Variants in GATA4 observed in about 807,000 individuals in gnomAD.
GATA4 encodes the protein transcription factor GATA-4.
Under a neutral mutation model 37.9 loss-of-function variants are expected in GATA4, and 7 were observed. The observed-to-expected ratio is 0.18, with a 90% CI of 0.11 to 0.35. The LOEUF is 0.35. Ranked by LOEUF, GATA4 falls within the 10% of genes least tolerant of loss-of-function variation. The probability of loss-of-function intolerance (pLI) is 1.00; values close to 1 mark genes in which losing one functional copy is unlikely to be tolerated. For missense variants in GATA4, 647 were observed against 653.0 expected, an observed-to-expected ratio of 0.99 and a Z score of 0.10; for synonymous variants, 372 against 292.6, an observed-to-expected ratio of 1.27 and a Z score of -2.77.
chr8:11,757,766 C>G (rs951888468), intron 6 of GATA4, among the ~76,000 whole-genome samples: 1 of 152,238 alleles, frequency 6.6e-6, no homozygotes, highest in South Asian at 2.1e-4. Context: ...TGCCTCCTCC[C>G]CTCTGCAGTT....
chr8:11,737,726 A>G (rs1022832461), intron 2 of GATA4, among the ~76,000 whole-genome samples: 7 of 152,202 alleles, frequency 4.6e-5, no homozygotes, highest in African/African-American at 1.7e-4. Flanking sequence ...TTTTCCCATT[A>G]GGGAATTAAG....
At chr8:11,679,447 A>G (rs969754939) in intron 1 of GATA4, among the ~76,000 whole-genome samples, 3 of 152,174 alleles carry the variant, frequency 2.0e-5, no homozygotes, top group Non-Finnish European at 4.4e-5. Context: ...TCTAAGGTCA[A>G]TAAACCAGGC....
chr8:11,722,085 C>T (rs554184397), intron 2 of GATA4, among the ~76,000 whole-genome samples: 5 of 152,250 alleles, frequency 3.3e-5, no homozygotes, highest in African/African-American at 1.2e-4. Context: ...TGGGCTTAAG[C>T]GATCCTCCTG....
At chr8:11,689,622 G>C (rs1349729748), upstream of GATA4, among the ~76,000 whole-genome samples, 6 of 152,326 alleles carry the variant, frequency 3.9e-5, no homozygotes, top group East Asian at 9.6e-4. Context: ...ACTCTAAGTA[G>C]TGCATGGAAT....
rs1406043403 is a variant in GATA4 at position 11,758,903 on chromosome 8, AC to A, written c.*429del. 5 of 307,746 alleles carry A rather than the reference AC, an allele frequency of 1.6e-5. No homozygotes were observed. Among genetic ancestry groups the A allele is most frequent in the Non-Finnish European group, 2.5e-5 (4 of 156,924 alleles). 19.1% of individuals were successfully genotyped at this position (307,746 alleles called of 1,614,324 possible). A position where few individuals can be genotyped will look rare whatever the true frequency, so the allele number is the denominator to read the frequency against. ...TCTGTTTGCCATGTACCTGGATGCG[AC>A]GGGCCCCTGGGGACAGGCCCTTGCC... On this transcript the variant is annotated 3_prime_UTR_variant, in exon 7 of 7. Coordinates refer to ENST00000532059, the MANE Select transcript of GATA4 (RefSeq NM_001308093.3).
chr8:11,748,346 T>C lies in GATA4; in HGVS notation c.617-570T>C, dbSNP rs1175084740. ...GTTCAAGGCTGGACTGAGTTATGAC[T>C]GCACCACTGTACTCCAGCCTGGGTG... On this transcript the variant is annotated intron_variant, in intron 2 of 6. Coordinates refer to ENST00000532059, the MANE Select transcript of GATA4 (RefSeq NM_001308093.3). Among the ~76,000 whole-genome samples, 3 of 152,166 alleles carry C rather than the reference T, an allele frequency of 2.0e-5. No homozygotes were observed. In the East Asian group the frequency reaches 5.8e-4, roughly 29 times the overall value.
intron 2 of GATA4, among the ~76,000 whole-genome samples, chr8:11,720,048 C>T (rs1800599459): frequency 6.6e-6 from 1 of 151,984 alleles, no homozygotes; most frequent in African/African-American, 2.4e-5. Context: ...ATCCCAGCAG[C>T]CGCAGGGAGG....
At chr8:11,741,508 T>G (rs1467479634) in intron 2 of GATA4, among the ~76,000 whole-genome samples, 1 of 151,374 alleles carries the variant, frequency 6.6e-6, no homozygotes, top group African/African-American at 2.4e-5. Context: ...AAAGTCCCTG[T>G]GAGAGCAATG....
chr8:11,684,690 C>T (rs372139438), intron 1 of GATA4, among the ~76,000 whole-genome samples: 17 of 152,250 alleles, frequency 1.1e-4, no homozygotes, highest in South Asian at 6.2e-4. Flanking sequence ...CCTTAGAGGA[C>T]GGAAAGACTG....
In GATA4 at chr8:11,717,113, G is replaced by A. The variant is rs577484961; in HGVS notation, c.616+8185G>A. Among the ~76,000 whole-genome samples the A allele has an allele frequency of 2.6e-5, 4 of 152,270 alleles. No individual in the cohort carries two copies. The South Asian group carries it at 8.3e-4, about 32-fold the overall frequency. On this transcript the variant is annotated intron_variant, in intron 2 of 6. Coordinates refer to ENST00000532059, the MANE Select transcript of GATA4 (RefSeq NM_001308093.3). ...ATTGACCTCTGGTAGACCATGACAT[G>A]GCCCCATATGCCATACAACATAAAC... is the stretch of plus-strand genomic sequence containing the variant.
chr8:11,742,966 G>T (rs1481073495), intron 2 of GATA4, among the ~76,000 whole-genome samples: 1 of 152,252 alleles, frequency 6.6e-6, no homozygotes, highest in African/African-American at 2.4e-5. Flanking sequence ...CTCCTGCCCA[G>T]TCTGGGCTGG....
intron 2 of GATA4, among the ~76,000 whole-genome samples, chr8:11,719,048 A>G (rs1428592886): frequency 6.6e-6 from 1 of 152,254 alleles, no homozygotes; most frequent in Middle Eastern, 3.2e-3. Flanking sequence ...TAGATAAAAA[A>G]GAGTTCATCA....
chr8:11,717,077 C>A (rs957273273), intron 2 of GATA4, among the ~76,000 whole-genome samples: 1 of 152,162 alleles, frequency 6.6e-6, no homozygotes, highest in African/African-American at 2.4e-5. Flanking sequence ...GAAGGAGTAT[C>A]GCTCTGCTAT....
chr8:11,720,259 C>G (rs1296373925), intron 2 of GATA4, among the ~76,000 whole-genome samples: 3 of 151,958 alleles, frequency 2.0e-5, no homozygotes, highest in Admixed American at 1.3e-4. Flanking sequence ...CGGCATGCCC[C>G]GTGATAGTCA....
upstream of GATA4, among the ~76,000 whole-genome samples, chr8:11,690,437 G>A (rs1396277209): frequency 6.6e-6 from 1 of 152,118 alleles, no homozygotes; most frequent in Admixed American, 6.5e-5. Context: ...CTAAAATTTT[G>A]GAGAGAGAGG....
Position 11,758,823 on chromosome 8 carries a change from G to C in GATA4, c.*348G>C. ...ATTGTGTTTCTAGCACCGAGGATCT[G>C]AGAACAAGCGGAGGGCCGGGCCCTG... is the stretch of plus-strand genomic sequence containing the variant. On this transcript the variant is annotated 3_prime_UTR_variant, in exon 7 of 7. Coordinates refer to ENST00000532059, the MANE Select transcript of GATA4 (RefSeq NM_001308093.3). 3 of 363,654 alleles carry C rather than the reference G, an allele frequency of 8.2e-6. No individual in the cohort carries two copies. Among genetic ancestry groups the C allele is most frequent in the Non-Finnish European group, 1.6e-5 (3 of 188,738 alleles). 22.5% of individuals were successfully genotyped at this position (363,654 alleles called of 1,614,324 possible).
chr8:11,756,728 C>T (rs1040958374), intron 5 of GATA4: 22 of 637,222 alleles, frequency 3.5e-5, no homozygotes, highest in Admixed American at 3.3e-4. Context: ...CTGAAACACA[C>T]GTGGCCTCAA....
At chr8:11,711,043 G>C (rs942411086) in intron 2 of GATA4, among the ~76,000 whole-genome samples, 1 of 152,022 alleles carries the variant, frequency 6.6e-6, no homozygotes. Context: ...CCCGGGAGGC[G>C]GAGGTTGAGT....
At chr8:11,719,295 G>A (rs534588634) in intron 2 of GATA4, among the ~76,000 whole-genome samples, 1 of 151,630 alleles carries the variant, frequency 6.6e-6, no homozygotes, top group Non-Finnish European at 1.5e-5. Flanking sequence ...AATAATACAG[G>A]TTGCCCCTCA....
Sources: gnomAD v4.1 joint callset for allele counts (sites outside exome capture counted in the v4.1 genomes callset) on GRCh38, gnomAD v4.1.1 for gene constraint, MANE v1.5 for transcripts, NCBI Gene and HGNC (gene_info 2026-07-23, HGNC 2026-07-21) for gene names.